The following TLE4 variants were observed in gnomAD, a reference collection of about 807,000 sequenced individuals.
TLE4 encodes TLE family member 4, transcriptional corepressor.
In TLE4, 8 loss-of-function variants were observed where a neutral mutation model predicts 92.8. That is an observed-to-expected ratio of 0.09 (90% CI 0.05 to 0.16). The LOEUF (loss-of-function observed/expected upper bound fraction) is 0.16. Ranked by LOEUF, TLE4 falls within the 10% of genes least tolerant of loss-of-function variation. TLE4 has a pLI of 1.00. For missense variants in TLE4, 675 were observed against 997.6 expected, an observed-to-expected ratio of 0.68 and a Z score of 4.36; for synonymous variants, 371 against 374.1, an observed-to-expected ratio of 0.99 and a Z score of 0.10.
chr9:79,631,669 A>C (rs1316417166), intron 6 of TLE4, among the ~76,000 whole-genome samples: 1 of 68,656 alleles, frequency 1.5e-5, no homozygotes, highest in East Asian at 5.1e-4. Flanking sequence ...TGTGTTTTCT[A>C]CATTGACAAC....
At chr9:79,666,413 T>A (rs2061426967) in intron 8 of TLE4, among the ~76,000 whole-genome samples, 1 of 151,972 alleles carries the variant, frequency 6.6e-6, no homozygotes, top group South Asian at 2.1e-4. Flanking sequence ...GTTTTTGGTA[T>A]TTTTTAGTAA....
In TLE4 at chr9:79,704,846, T is replaced by G. The variant is rs2071059321; in HGVS notation, c.673T>G (p.Tyr225Asp). Reference protein sequence around the residue: ...GAEKHRNSADYSSESKKQKTE... With the variant: ...GAEKHRNSADDSSESKKQKTE... ...TGAGAAGCACAGAAACTCCGCAGAC[T>G]ACTCCTCAGAGAGCAAAAAGCAGAA... The change falls in exon 9 of 20, where the codon TAC becomes GAC. Residue 225 changes from tyrosine to aspartate, a missense_variant. Physicochemically the swap from Tyr to Asp is radical, Grantham distance 160. Around this residue, in one of 5 missense-constraint regions of TLE4, gnomAD observed 280 missense variants for 287.3 expected, o/e 0.97. Transcript: ENST00000376552. The G allele has an allele frequency of 4.3e-6, 7 of 1,614,074 alleles. No individual in the cohort carries two copies. Among genetic ancestry groups the G allele is most frequent in the African/African-American group, 1.3e-5 (1 of 74,934 alleles).
At chr9:79,608,495 T>G (rs2132925311) in intron 4 of TLE4, among the ~76,000 whole-genome samples, 1 of 152,202 alleles carries the variant, frequency 6.6e-6, no homozygotes, top group African/African-American at 2.4e-5. Context: ...CTTTGTCACC[T>G]TTTTAAAAAA....
At chr9:79,629,746 A>G (rs1009247670) in intron 6 of TLE4, among the ~76,000 whole-genome samples, 1 of 152,220 alleles carries the variant, frequency 6.6e-6, no homozygotes, top group Non-Finnish European at 1.5e-5. Flanking sequence ...GTTTTAGAGA[A>G]CCACAAACCA....
intron 6 of TLE4, among the ~76,000 whole-genome samples, chr9:79,645,116 T>C (rs950394388): frequency 6.6e-6 from 1 of 152,216 alleles, no homozygotes; most frequent in Non-Finnish European, 1.5e-5. Flanking sequence ...GTCTCAAGTT[T>C]TGCCAGTGGG....
intron 4 of TLE4, among the ~76,000 whole-genome samples, chr9:79,604,737 G>T (rs890248087): frequency 2.6e-5 from 4 of 152,132 alleles, no homozygotes; most frequent in African/African-American, 9.7e-5. Context: ...AGGCATCCTT[G>T]ATGAGAACTG....
intron 6 of TLE4, among the ~76,000 whole-genome samples, chr9:79,631,082 T>G (rs2054061914): frequency 6.6e-6 from 1 of 152,206 alleles, no homozygotes; most frequent in South Asian, 2.1e-4. Flanking sequence ...AATTGCAGTT[T>G]AGCACAAGAA....
chr9:79,671,063 A>C, intron 8 of TLE4: 1 of 258,796 alleles, frequency 3.9e-6, no homozygotes, highest in South Asian at 3.8e-5. Context: ...TTTGCCTAAA[A>C]AAAAATCTAC....
chr9:79,684,726 C>T (rs77071693), intron 8 of TLE4, among the ~76,000 whole-genome samples: 3,620 of 152,230 alleles, frequency 0.024, 146 homozygotes, highest in African/African-American at 0.082. Context: ...TCTATGGTAT[C>T]CCTCTAGCAG....
At chr9:79,671,547 C>T (rs540413189) in intron 8 of TLE4, 8 of 256,610 alleles carry the variant, frequency 3.1e-5, no homozygotes, top group Non-Finnish European at 5.7e-5. Flanking sequence ...AGATGCTTGT[C>T]GAGCAGGAGA....
At chr9:79,668,521 G>A (rs899285234) in intron 8 of TLE4, among the ~76,000 whole-genome samples, 1 of 152,200 alleles carries the variant, frequency 6.6e-6, no homozygotes, top group African/African-American at 2.4e-5. Context: ...AGAGAATCAA[G>A]GAGGTCACCG....
chr9:79,672,600 G>T (rs2062598660), intron 8 of TLE4, among the ~76,000 whole-genome samples: 1 of 152,134 alleles, frequency 6.6e-6, no homozygotes, highest in African/African-American at 2.4e-5. Flanking sequence ...TAGAGAAGTG[G>T]AATCTTCACC....
intron 4 of TLE4, among the ~76,000 whole-genome samples, chr9:79,593,284 A>G (rs1429389938): frequency 6.6e-6 from 1 of 151,956 alleles, no homozygotes; most frequent in Non-Finnish European, 1.5e-5. Context: ...ACGTTGCTTT[A>G]TGGGATGTTT....
chr9:79,612,037 T>G (rs2048492258), intron 4 of TLE4, among the ~76,000 whole-genome samples: 1 of 151,894 alleles, frequency 6.6e-6, no homozygotes, highest in Non-Finnish European at 1.5e-5. Flanking sequence ...TCTCAACCTC[T>G]GCACACTGAA....
chr9:79,683,937 T>C (rs2065252610), intron 8 of TLE4, among the ~76,000 whole-genome samples: 1 of 152,226 alleles, frequency 6.6e-6, no homozygotes, highest in South Asian at 2.1e-4. Flanking sequence ...CGACAGTTTA[T>C]CATTTATACA....
intron 3 of TLE4, 43 bp downstream of exon 3, chr9:79,574,979 G>A (rs1432945996): frequency 6.4e-7 from 1 of 1,556,246 alleles, no homozygotes; most frequent in Admixed American, 1.7e-5. Context: ...TATTAGTTTG[G>A]AATACCAAAA....
intron 4 of TLE4, among the ~76,000 whole-genome samples, chr9:79,592,069 G>T (rs139550695): frequency 7.4e-4 from 112 of 152,168 alleles, no homozygotes; most frequent in African/African-American, 2.6e-3. Context: ...ACTATTTGAC[G>T]TTTGTAGGAG....
At chr9:79,617,109 A>G (rs1266088596) in intron 5 of TLE4, among the ~76,000 whole-genome samples, 1 of 152,176 alleles carries the variant, frequency 6.6e-6, no homozygotes, top group Non-Finnish European at 1.5e-5. Flanking sequence ...GACTTAGTAA[A>G]AACTGGGAAG....
rs1434120977 is a variant in TLE4, at chr9:79,574,894, A to G, written c.165A>G (p.Lys55=). ...QYHSLKLECE[K]LASEKTEMQR... ...ACAGTCTGAAGCTGGAATGTGAGAA[A>G]CTCGCCAGTGAGAAGACAGAGATGC... The change falls in exon 3 of 20, where the codon AAA becomes AAG. Residue 55 remains lysine (K), a synonymous_variant. Coordinates refer to ENST00000376552, the MANE Select transcript of TLE4 (RefSeq NM_007005.6). 1.2e-6 allele frequency: 2 copies of G among 1,613,354 alleles called. No individual in the cohort carries two copies. Among genetic ancestry groups the G allele is most frequent in the Admixed American group, 1.7e-5 (1 of 59,964 alleles).
Sources: gnomAD v4.1 joint callset for allele counts (sites outside exome capture counted in the v4.1 genomes callset) on GRCh38, gnomAD v4.1.1 for gene constraint, gnomAD v4.1.1 regional missense constraint, MANE v1.5 for transcripts, NCBI Gene and HGNC (gene_info 2026-07-23, HGNC 2026-07-21) for gene names.